The following IRAK1BP1 variants were observed in gnomAD, a reference collection of about 807,000 sequenced individuals.
The protein encoded by IRAK1BP1 is interleukin-1 receptor-associated kinase 1-binding protein 1.
In IRAK1BP1, 24 loss-of-function variants were observed where a neutral mutation model predicts 28.0. The observed-to-expected ratio is 0.86, with a 90% CI of 0.62 to 1.20. The LOEUF is 1.20. Ranked by LOEUF, IRAK1BP1 falls within the 50% of genes most tolerant of loss-of-function variation. IRAK1BP1 has a pLI of 0.00. For missense variants in IRAK1BP1, 336 were observed against 316.7 expected (o/e 1.06, Z -0.46); for synonymous variants, 131 against 116.3 (o/e 1.13, Z -0.81).
chr6:78,915,485 T>C (rs918222961), intron 4 of IRAK1BP1, among the ~76,000 whole-genome samples: 1 of 152,206 alleles, frequency 6.6e-6, no homozygotes, highest in Non-Finnish European at 1.5e-5. Context: ...CACTCTGAAT[T>C]TCACTGCTGT....
At chr6:78,956,474 A>G in the IRAK1BP1 span, 1 of 152,170 alleles carries the variant, frequency 6.6e-6, no homozygotes, top group Non-Finnish European at 1.5e-5. Flanking sequence ...CAGTCAAATT[A>G]ACATTTTTAA....
At chr6:78,952,372 T>C in the IRAK1BP1 span, among the ~76,000 whole-genome samples, 201 of 148,946 alleles carry the variant, frequency 1.3e-3, 2 homozygotes, top group Middle Eastern at 0.036. Context: ...TGAGCCGAGA[T>C]TGAGCCACTG....
the IRAK1BP1 span, chr6:78,958,337 T>G: frequency 1.7e-6 from 1 of 581,190 alleles, no homozygotes; most frequent in Non-Finnish European, 3.0e-6. Context: ...ATCTTCAGTC[T>G]AATGCTCTCC....
rs185021306 is a variant in IRAK1BP1 at position 78,915,706 on chromosome 6, T to C, written c.*67+12596T>C. Among the ~76,000 whole-genome samples the C allele has an allele frequency of 1.8e-4, 27 of 152,318 alleles. No homozygotes were observed. In the East Asian group the frequency reaches 5.2e-3, roughly 29 times the overall value. ...AACCTTACTTCCTTTTCTCCTTCAC[T>C]TGTGGCTCACACTGGCATGACAGCC... On this transcript the variant is annotated intron_variant and NMD_transcript_variant, in intron 4 of 4. Transcript: ENST00000606868.
At chr6:78,942,484 AAAAAC>A (rs1012976452) in intron 4 of IRAK1BP1, among the ~76,000 whole-genome samples, 4 of 152,182 alleles carry the variant, frequency 2.6e-5, no homozygotes, top group African/African-American at 4.8e-5. Flanking sequence ...ACTCCATCTC[AAAAAC>A]AAAACAAAAC....
At chr6:78,880,122 A>T (rs763927136) in intron 1 of IRAK1BP1, among the ~76,000 whole-genome samples, 16 of 152,218 alleles carry the variant, frequency 1.1e-4, no homozygotes, top group Non-Finnish European at 2.2e-4. Flanking sequence ...AACTTCTAGA[A>T]AAAAAGAAAA....
At chr6:78,931,101 G>A (rs1025963959) in intron 4 of IRAK1BP1, among the ~76,000 whole-genome samples, 1 of 152,026 alleles carries the variant, frequency 6.6e-6, no homozygotes, top group African/African-American at 2.4e-5. Context: ...GAAAAAATGA[G>A]ATAAAAATTT....
chr6:78,890,732 A>G (rs1582012872), intron 2 of IRAK1BP1, among the ~76,000 whole-genome samples: 1 of 152,344 alleles, frequency 6.6e-6, no homozygotes, highest in East Asian at 1.9e-4. Context: ...AGACAGCAAC[A>G]TCTTCCAATT....
intron 4 of IRAK1BP1, among the ~76,000 whole-genome samples, chr6:78,924,267 C>T (rs1045270497): frequency 1.3e-5 from 2 of 152,116 alleles, no homozygotes; most frequent in African/African-American, 4.8e-5. Flanking sequence ...CACAAACTAC[C>T]ATGAGAGAAT....
At chr6:78,947,308 T>G (rs1245491922), downstream of IRAK1BP1, among the ~76,000 whole-genome samples, 1 of 152,180 alleles carries the variant, frequency 6.6e-6, no homozygotes, top group Non-Finnish European at 1.5e-5. Flanking sequence ...TGTAAAAATC[T>G]TCGCAAAAAT....
intron 4 of IRAK1BP1, among the ~76,000 whole-genome samples, chr6:78,925,937 G>A (rs1419287526): frequency 2.0e-5 from 3 of 152,058 alleles, no homozygotes; most frequent in East Asian, 1.9e-4. Flanking sequence ...ATTAACACAG[G>A]AACAGAAAAC....
At chr6:78,974,056 A>T in the IRAK1BP1 span, among the ~76,000 whole-genome samples, 4 of 152,302 alleles carry the variant, frequency 2.6e-5, no homozygotes, top group East Asian at 7.7e-4. Flanking sequence ...TCTCCACCTC[A>T]AATCAACAGA....
At position 78,925,346 on chromosome 6, in the gene IRAK1BP1, A is replaced by T. The variant is rs181550853; in HGVS notation, c.*68-20062A>T. ...TAGAAAAAAATCCACAAGCAAAAAA[A>T]CCAAAAGTCTCATTCAAGAAATGAC... On this transcript the variant is annotated intron_variant and NMD_transcript_variant, in intron 4 of 4. Transcript: ENST00000606868. 2.6e-5 allele frequency among the ~76,000 whole-genome samples: 4 copies of T among 152,234 alleles called. No homozygotes were observed. The East Asian group carries it at 7.7e-4, about 29-fold the overall frequency.
intron 1 of IRAK1BP1, among the ~76,000 whole-genome samples, chr6:78,884,099 A>G (rs1027678642): frequency 1.3e-5 from 2 of 152,176 alleles, no homozygotes; most frequent in Non-Finnish European, 2.9e-5. Context: ...TACTTTCATA[A>G]TAAAAATATT....
chr6:78,922,782 G>T (rs71565020), intron 4 of IRAK1BP1, among the ~76,000 whole-genome samples: 1 of 152,292 alleles, frequency 6.6e-6, no homozygotes, highest in Non-Finnish European at 1.5e-5. Context: ...CATTCTTAAA[G>T]AAAAGAATTT....
At chr6:78,940,076 T>TTAA (rs10654924) in intron 4 of IRAK1BP1, 1 of 152,224 alleles carries the variant, frequency 6.6e-6, no homozygotes, top group Admixed American at 6.6e-5. Context: ...CATTTTCTCT[T>TTAA]GTTTGGCAGA....
intron 4 of IRAK1BP1, among the ~76,000 whole-genome samples, chr6:78,911,562 C>T (rs1772421191): frequency 6.6e-6 from 1 of 152,166 alleles, no homozygotes; most frequent in Admixed American, 6.5e-5. Flanking sequence ...AAGTTGAAAA[C>T]TGATAACATC....
At chr6:78,874,804 A>G (rs1770936871) in intron 1 of IRAK1BP1, among the ~76,000 whole-genome samples, 1 of 152,158 alleles carries the variant, frequency 6.6e-6, no homozygotes, top group Admixed American at 6.5e-5. Flanking sequence ...TTGGTTTTCT[A>G]GGAAATACTC....
At chr6:78,967,220 A>G in the IRAK1BP1 span, among the ~76,000 whole-genome samples, 6 of 152,216 alleles carry the variant, frequency 3.9e-5, no homozygotes, top group African/African-American at 7.2e-5. Context: ...GAGCCAGGAG[A>G]AAAGTTAATA....
Sources: gnomAD v4.1 joint callset for allele counts (sites outside exome capture counted in the v4.1 genomes callset) on GRCh38, gnomAD v4.1.1 for gene constraint, MANE v1.5 for transcripts, NCBI Gene and HGNC (gene_info 2026-07-23, HGNC 2026-07-21) for gene names.